ZC3H4: variants seen among roughly 807,000 people sequenced by gnomAD.
ZC3H4 encodes zinc finger CCCH-type containing 4, also known as zinc finger CCCH domain-containing protein 4.
Under a neutral mutation model 108.3 loss-of-function variants are expected in ZC3H4, and 13 were observed. That is an observed-to-expected ratio of 0.12 (90% confidence interval 0.08 to 0.19). ZC3H4 has a LOEUF of 0.19. Among genes scored for constraint, ZC3H4 ranks in the 10% least tolerant of loss-of-function variants. The pLI is 1.00. For synonymous variants in ZC3H4, 917 were observed against 749.6 expected (o/e 1.22, Z -3.65); for missense variants, 1,734 against 1,838.8 (o/e 0.94, Z 1.04).
chr19:47,087,232 C>T lies in ZC3H4; in HGVS notation c.716-694G>A, dbSNP rs1370116933. On this transcript the variant is annotated intron_variant, in intron 5 of 14. Coordinates refer to ENST00000253048, the MANE Select transcript of ZC3H4 (RefSeq NM_015168.2). ...CAGAGGCTGCAGTAAGCTGAGAATG[C>T]GCCACTGCACTCCAGCTTGGGCAAC... Among the ~76,000 whole-genome samples, 3 of 151,170 alleles carry T rather than the reference C, an allele frequency of 2.0e-5. No individual in the cohort carries two copies. The East Asian group carries it at 5.8e-4, about 29-fold the overall frequency.
intron 2 of ZC3H4, among the ~76,000 whole-genome samples, chr19:47,098,394 G>A (rs1369718649): frequency 6.6e-6 from 1 of 151,002 alleles, no homozygotes; most frequent in Non-Finnish European, 1.5e-5. Flanking sequence ...GGAGGCTGAG[G>A]CACAAGAACT....
At position 47,067,663 on chromosome 19, in the gene ZC3H4, T is replaced by C. The variant is rs1414585434; in HGVS notation, c.2605A>G (p.Arg869Gly). ...LADPRLSRDPRLTRHVEASGG... is the reference protein window; with the variant it reads ...LADPRLSRDPGLTRHVEASGG... The stretch of plus-strand genomic sequence containing the variant: ...GAAGCCTCCACATGGCGGGTGAGTC[T>C]GGGGTCCCGGCTGAGGCGAGGGTCA... Residue 869 changes from arginine to glycine, a missense_variant, in exon 15 of 15, where the codon AGA (arginine) becomes GGA (glycine). Around this residue, in one of 9 missense-constraint regions of ZC3H4, gnomAD observed 540 missense variants for 484.1 expected, o/e 1.12. Transcript: ENST00000253048. This position sits in a 1 kb window ranked among gnomAD's most constrained non-coding sequence, Gnocchi z 6.4. 3 of 1,601,820 alleles carry C rather than the reference T, an allele frequency of 1.9e-6. No homozygotes were observed. The highest frequency in any genetic ancestry group is 2.2e-5 in the East Asian group (1 of 44,734).
At chr19:47,096,497 G>A (rs542877745) in intron 2 of ZC3H4, among the ~76,000 whole-genome samples, 7 of 152,346 alleles carry the variant, frequency 4.6e-5, no homozygotes, top group African/African-American at 1.4e-4. Flanking sequence ...GGGAGAAGCT[G>A]TTACTCAGTG....
At chr19:47,096,853 T>C (rs1410043133) in intron 2 of ZC3H4, 1 of 985,300 alleles carries the variant, frequency 1.0e-6, no homozygotes, top group East Asian at 1.1e-4. Flanking sequence ...AGGTGCCTGA[T>C]CATCAGGGCT....
At chr19:47,091,205 G>A (rs569786064) in intron 4 of ZC3H4, among the ~76,000 whole-genome samples, 13 of 152,304 alleles carry the variant, frequency 8.5e-5, no homozygotes, top group Non-Finnish European at 1.6e-4. Context: ...CCGCGAGGCA[G>A]AGGTTGTAGT....
rs183408454 is a variant in ZC3H4, at chr19:47,072,193, G to A, written c.1803-72C>T. 473 of 1,430,840 alleles carry A rather than the reference G, an allele frequency of 3.3e-4. 2 individuals carry two copies. The African/African-American group carries it at 6.2e-3, about 19-fold the overall frequency. The allele number at this position is 1,430,840 out of a possible 1,614,324, so 88.6% of individuals were successfully genotyped here. A position where few individuals can be genotyped will look rare whatever the true frequency, so the allele number is the denominator to read the frequency against. On this transcript the variant is annotated intron_variant, in intron 12 of 14. Transcript: ENST00000253048. The surrounding 1 kb of genome is among the most constrained non-coding windows in gnomAD (Gnocchi z 5.6). The stretch of plus-strand genomic sequence containing the variant: ...AGTGGCCACACCCCAGAGGAGAGGC[G>A]GAGGGCTGCAGAGCCGAAGGTCATG...
intron 2 of ZC3H4, among the ~76,000 whole-genome samples, chr19:47,107,047 G>C (rs112883633): frequency 6.6e-6 from 1 of 152,084 alleles, no homozygotes; most frequent in South Asian, 2.1e-4. Flanking sequence ...GAACACAGGA[G>C]GTACAGTCAG....
intron 2 of ZC3H4, among the ~76,000 whole-genome samples, chr19:47,106,403 A>G (rs1192762448): frequency 6.6e-6 from 1 of 152,190 alleles, no homozygotes; most frequent in Non-Finnish European, 1.5e-5. Context: ...TATTAATACT[A>G]TGAGGTGCCA....
chr19:47,072,298 T>G lies in ZC3H4; in HGVS notation c.1802+54A>C. 6.4e-7 allele frequency: 1 copy of G among 1,563,070 alleles called. No homozygotes were observed. Among genetic ancestry groups the G allele is most frequent in the Non-Finnish European group, 8.7e-7 (1 of 1,149,068 alleles). On this transcript the variant is annotated intron_variant, in intron 12 of 14. Coordinates refer to ENST00000253048, the MANE Select transcript of ZC3H4 (RefSeq NM_015168.2). The surrounding 1 kb of genome is among the most constrained non-coding windows in gnomAD (Gnocchi z 5.6). ...CAGGCTTGCCCTAACAAGAGGAGCC[T>G]GGCTGGGCCCAGGACAGCGCCCACT... is the stretch of plus-strand genomic sequence containing the variant.
chr19:47,072,314 A>G lies in ZC3H4; in HGVS notation c.1802+38T>C. 6.3e-7 allele frequency: 1 copy of G among 1,591,444 alleles called. No individual in the cohort carries two copies. On this transcript the variant is annotated intron_variant, in intron 12 of 14. Coordinates refer to ENST00000253048, the MANE Select transcript of ZC3H4 (RefSeq NM_015168.2). The surrounding 1 kb of genome is among the most constrained non-coding windows in gnomAD (Gnocchi z 5.6). ...AGAGGAGCCTGGCTGGGCCCAGGAC[A>G]GCGCCCACTGCCTGTCACGGGGGTC...
At chr19:47,079,491 A>G (rs1412959294) in intron 11 of ZC3H4, among the ~76,000 whole-genome samples, 2 of 151,688 alleles carry the variant, frequency 1.3e-5, no homozygotes, top group Non-Finnish European at 2.9e-5. Context: ...AGCCTCCAGC[A>G]GGGGGCAGTC....
intron 4 of ZC3H4, 36 bp downstream of exon 4, chr19:47,093,934 G>A (rs374805187): frequency 2.7e-5 from 43 of 1,569,636 alleles, no homozygotes; most frequent in Middle Eastern, 1.7e-4. Context: ...AACTCCTCCC[G>A]GCCCCAGAGC....
Position 47,086,474 on chromosome 19 carries a change from G to T in ZC3H4, c.780C>A (p.Gly260=). 2 of 1,610,770 alleles carry T rather than the reference G, an allele frequency of 1.2e-6. No individual in the cohort carries two copies. The part of the protein sequence containing the change: ...RGSRGGSRGR[G]MGRGSRGRGR... ...CCCTGCCTCGGCTGCCCCTGCCCAT[G>T]CCGCGGCCTCGCGATCCTCCACGGC... The change falls in exon 6 of 15, where the codon GGC becomes GGA. Residue 260 remains glycine, a synonymous_variant. Coordinates refer to ENST00000253048, the MANE Select transcript of ZC3H4 (RefSeq NM_015168.2).
intron 5 of ZC3H4, among the ~76,000 whole-genome samples, chr19:47,088,206 T>A (rs1369610696): frequency 6.6e-6 from 1 of 151,680 alleles, no homozygotes; most frequent in Non-Finnish European, 1.5e-5. Flanking sequence ...CTGGGTGTGG[T>A]GGCACATGCC....
intron 14 of ZC3H4, among the ~76,000 whole-genome samples, chr19:47,068,541 G>A (rs2057263125): frequency 1.3e-5 from 2 of 152,150 alleles, no homozygotes; most frequent in Non-Finnish European, 2.9e-5. Flanking sequence ...TCAGGGGAGC[G>A]GCCCCTCCTC....
intron 5 of ZC3H4, among the ~76,000 whole-genome samples, chr19:47,088,875 C>G (rs2057679501): frequency 6.6e-6 from 1 of 152,248 alleles, no homozygotes; most frequent in Admixed American, 6.5e-5. Context: ...CCCCAAAGCA[C>G]AGGGGCTGCC....
In ZC3H4 at chr19:47,067,855, A is replaced by G; in HGVS notation, c.2413T>C (p.Trp805Arg). The change falls in exon 15 of 15, where the codon TGG (tryptophan) becomes CGG (arginine). Residue 805 changes from tryptophan (W) to arginine (R), a missense_variant. Around this residue, in one of 9 missense-constraint regions of ZC3H4, gnomAD observed 540 missense variants for 484.1 expected, o/e 1.12. Transcript: ENST00000253048. The surrounding 1 kb of genome is among the most constrained non-coding windows in gnomAD (Gnocchi z 6.4). ...RENEEGDTGN[W>R]YSSDEDEGGS... ...CCCTCATCCTCATCACTTGAGTACC[A>G]GTTTCCGGTGTCACCTGGGAAAGAA... 6.3e-7 allele frequency: 1 copy of G among 1,596,296 alleles called. No homozygotes were observed. The highest frequency in any genetic ancestry group is 8.5e-7 in the Non-Finnish European group (1 of 1,172,896).
chr19:47,105,561 C>T (rs1170731178), intron 2 of ZC3H4, among the ~76,000 whole-genome samples: 1 of 152,082 alleles, frequency 6.6e-6, no homozygotes. Context: ...ATCATGCCAC[C>T]GCACTCCAGC....
chr19:47,083,272 A>C (rs920126133), intron 9 of ZC3H4, among the ~76,000 whole-genome samples: 3 of 149,856 alleles, frequency 2.0e-5, no homozygotes, highest in East Asian at 2.1e-4. Context: ...ACTGCACTCC[A>C]GCCTGGGCGA....
Sources: allele counts gnomAD v4.1 joint callset (sites outside exome capture counted in the v4.1 genomes callset), GRCh38; gene constraint gnomAD v4.1.1; regional missense constraint gnomAD v4.1.1; non-coding constraint Gnocchi (gnomAD v3.1); transcripts MANE v1.5; gene names NCBI Gene and HGNC (gene_info 2026-07-23, HGNC 2026-07-21).